Variants in GALNTL6 observed in about 807,000 individuals in gnomAD.
GALNTL6 encodes polypeptide N-acetylgalactosaminyltransferase like 6, also known as polypeptide N-acetylgalactosaminyltransferase-like 6.
A neutral mutation model predicts 73.7 loss-of-function variants in GALNTL6; 46 were observed. That is an observed-to-expected ratio of 0.62 (90% confidence interval 0.49 to 0.80). The LOEUF (loss-of-function observed/expected upper bound fraction) is 0.80, where lower values mean the gene tolerates loss of function less well. Ranked by LOEUF, GALNTL6 falls within the 30% of genes least tolerant of loss-of-function variation. GALNTL6 has a pLI of 0.00. For synonymous variants in GALNTL6, 259 were observed against 263.7 expected (o/e 0.98, Z 0.17); for missense variants, 604 against 755.0 (o/e 0.80, Z 2.34).
intron 3 of GALNTL6, among the ~76,000 whole-genome samples, chr4:172,302,553 C>G (rs1053554704): frequency 2.0e-5 from 3 of 152,174 alleles, no homozygotes; most frequent in Non-Finnish European, 4.4e-5. Context: ...CTCCACCTAT[C>G]CTCATGAGAG....
chr4:171,851,962 T>A (rs1735535348), intron 2 of GALNTL6, among the ~76,000 whole-genome samples: 3 of 152,196 alleles, frequency 2.0e-5, no homozygotes, highest in Non-Finnish European at 2.9e-5. Context: ...AAGCACAGAG[T>A]TTCACTCAAA....
chr4:171,935,069 CT>C (rs956618189), intron 2 of GALNTL6, among the ~76,000 whole-genome samples: 13 of 152,010 alleles, frequency 8.6e-5, no homozygotes, highest in East Asian at 3.9e-4. Context: ...AACTGTATCA[CT>C]TTTTTTTGCA....
At chr4:172,475,504 C>A (rs1191813547) in intron 5 of GALNTL6, among the ~76,000 whole-genome samples, 1 of 151,228 alleles carries the variant, frequency 6.6e-6, no homozygotes, top group East Asian at 1.9e-4. Flanking sequence ...GGCATTTAGG[C>A]AGGTGTTTTT....
intron 2 of GALNTL6, among the ~76,000 whole-genome samples, chr4:171,846,348 AAGGGAAC>A (rs1735367011): frequency 6.6e-6 from 1 of 152,218 alleles, no homozygotes; most frequent in Non-Finnish European, 1.5e-5. Context: ...AAGGCAGAAC[AAGGGAAC>A]TATTTCTTAT....
At chr4:172,422,889 G>A (rs556715008) in intron 5 of GALNTL6, among the ~76,000 whole-genome samples, 5 of 150,698 alleles carry the variant, frequency 3.3e-5, no homozygotes, top group Non-Finnish European at 4.4e-5. Flanking sequence ...ACTTATTTCC[G>A]GATTAAGTGT....
chr4:172,640,112 A>T (rs2111119001), intron 5 of GALNTL6, among the ~76,000 whole-genome samples: 1 of 152,224 alleles, frequency 6.6e-6, no homozygotes, highest in Admixed American at 6.5e-5. Flanking sequence ...TCATTCAGAT[A>T]TTTGCCTCTA....
chr4:172,341,016 T>C (rs1412796261), intron 4 of GALNTL6, among the ~76,000 whole-genome samples: 2 of 152,144 alleles, frequency 1.3e-5, no homozygotes, highest in Non-Finnish European at 2.9e-5. Context: ...CATTTTCTTA[T>C]CTTAGGGAGA....
chr4:172,014,981 A>G (rs1741140340), intron 2 of GALNTL6, among the ~76,000 whole-genome samples: 1 of 152,088 alleles, frequency 6.6e-6, no homozygotes, highest in East Asian at 1.9e-4. Context: ...CATATTATCT[A>G]TGTTGGAAAA....
chr4:172,673,730 CTTCT>C (rs1175566072), intron 5 of GALNTL6, among the ~76,000 whole-genome samples: 2 of 152,000 alleles, frequency 1.3e-5, no homozygotes, highest in East Asian at 1.9e-4. Flanking sequence ...ATGTAATGTC[CTTCT>C]TTGTCTTCTT....
intron 5 of GALNTL6, among the ~76,000 whole-genome samples, chr4:172,527,774 T>C (rs1178103997): frequency 1.3e-5 from 2 of 152,172 alleles, no homozygotes; most frequent in East Asian, 3.9e-4. Flanking sequence ...TATCCCTTTT[T>C]TGTGTGTTTG....
intron 5 of GALNTL6, among the ~76,000 whole-genome samples, chr4:172,385,954 A>G (rs1743453552): frequency 6.6e-6 from 1 of 152,082 alleles, no homozygotes; most frequent in South Asian, 2.1e-4. Context: ...AGTAGAAATT[A>G]CAATTAACTT....
chr4:172,463,950 C>T (rs925816934), intron 5 of GALNTL6, among the ~76,000 whole-genome samples: 6 of 152,148 alleles, frequency 3.9e-5, no homozygotes, highest in Admixed American at 6.5e-5. Context: ...TTACTTTCTA[C>T]GGATAAGGAA....
chr4:172,349,686 T>G (rs1741872793), intron 5 of GALNTL6, among the ~76,000 whole-genome samples: 1 of 152,074 alleles, frequency 6.6e-6, no homozygotes, highest in African/African-American at 2.4e-5. Context: ...TTGCCTAGTA[T>G]CTATATATAC....
At chr4:171,989,279 C>T (rs562464659) in intron 2 of GALNTL6, among the ~76,000 whole-genome samples, 11 of 152,126 alleles carry the variant, frequency 7.2e-5, no homozygotes, top group African/African-American at 1.4e-4. Flanking sequence ...TGAGGCGATC[C>T]GGCAGTGTCA....
rs879764622 is a variant in GALNTL6, at chr4:172,293,988, A to AT, written c.248-17617dup. 6.0e-5 allele frequency among the ~76,000 whole-genome samples: 9 copies of AT among 150,278 alleles called. No individual in the cohort carries two copies. The East Asian group carries it at 9.7e-4, about 16-fold the overall frequency. On this transcript the variant is annotated intron_variant, in intron 3 of 12. Coordinates refer to ENST00000506823, the MANE Select transcript of GALNTL6 (RefSeq NM_001034845.3). Reference sequence around the variant, plus strand: ...TCTCTGTTAATACTTACCTACGGTCATTTTTTTTTCTTGAACTCATTTAGG... The same window carrying AT: ...TCTCTGTTAATACTTACCTACGGTCATTTTTTTTTTCTTGAACTCATTTAGG...
chr4:172,839,660 C>G (rs1743099029), intron 7 of GALNTL6, among the ~76,000 whole-genome samples: 2 of 152,168 alleles, frequency 1.3e-5, no homozygotes, highest in South Asian at 4.1e-4. Context: ...ATTGATATAT[C>G]TTCAGTCCTT....
intron 5 of GALNTL6, among the ~76,000 whole-genome samples, chr4:172,446,619 C>T (rs1732028972): frequency 6.6e-6 from 1 of 152,088 alleles, no homozygotes; most frequent in Admixed American, 6.5e-5. Context: ...CTTTATATGA[C>T]AGAGTGTGTA....
intron 3 of GALNTL6, among the ~76,000 whole-genome samples, chr4:172,309,477 A>G (rs1740273941): frequency 1.3e-5 from 2 of 152,076 alleles, no homozygotes; most frequent in African/African-American, 2.4e-5. Flanking sequence ...TAGAAATATT[A>G]TTTCTTAAAT....
chr4:171,864,485 T>C (rs939198068), intron 2 of GALNTL6, among the ~76,000 whole-genome samples: 1 of 152,182 alleles, frequency 6.6e-6, no homozygotes, highest in African/African-American at 2.4e-5. Flanking sequence ...AACAAGAAGG[T>C]ATGTCTATAG....
Sources: allele counts gnomAD v4.1 joint callset (sites outside exome capture counted in the v4.1 genomes callset), GRCh38; gene constraint gnomAD v4.1.1; transcripts MANE v1.5; gene names NCBI Gene and HGNC (gene_info 2026-07-23, HGNC 2026-07-21).